The following FSTL4 variants were observed in gnomAD, a reference collection of about 807,000 sequenced individuals.
FSTL4 encodes the protein follistatin-related protein 4.
FSTL4 carries 28 observed loss-of-function variants against 78.2 expected under a neutral mutation model. The observed-to-expected ratio is 0.36, with a 90% CI of 0.27 to 0.49. The LOEUF (loss-of-function observed/expected upper bound fraction) is 0.49. FSTL4 is among the 20% of genes least tolerant of loss of function. The pLI, the probability that FSTL4 is intolerant of heterozygous loss-of-function variation, is 0.98. For synonymous variants in FSTL4, 422 were observed against 440.5 expected (o/e 0.96, Z 0.53); for missense variants, 922 against 1,084.9 (o/e 0.85, Z 2.11).
chr5:133,328,484 T>TC (rs1367114159), intron 4 of FSTL4, among the ~76,000 whole-genome samples: 3 of 152,206 alleles, frequency 2.0e-5, no homozygotes, highest in Non-Finnish European at 4.4e-5. Flanking sequence ...GGCAGATCTG[T>TC]CAGGTGGCCC....
intron 2 of FSTL4, among the ~76,000 whole-genome samples, chr5:133,589,684 T>A (rs1376169831): frequency 6.6e-6 from 1 of 152,090 alleles, no homozygotes; most frequent in Non-Finnish European, 1.5e-5. Flanking sequence ...TCTGCTGCCC[T>A]CCAGGAGGAG....
intron 7 of FSTL4, among the ~76,000 whole-genome samples, chr5:133,237,899 C>G (rs1049889503): frequency 1.5e-4 from 23 of 149,906 alleles, no homozygotes; most frequent in African/African-American, 5.2e-4. Flanking sequence ...TTAGCAAAAT[C>G]AAGGTTCCTT....
At chr5:133,750,646 G>T in the FSTL4 span, among the ~76,000 whole-genome samples, 1 of 152,116 alleles carries the variant, frequency 6.6e-6, no homozygotes, top group Admixed American at 6.5e-5. Context: ...ACCTCCAGGG[G>T]CCCAAAGGAG....
At chr5:133,741,512 G>A in the FSTL4 span, among the ~76,000 whole-genome samples, 53 of 152,326 alleles carry the variant, frequency 3.5e-4, no homozygotes, top group East Asian at 1.2e-3. Flanking sequence ...CTAGAGAACC[G>A]CAGCCTGTGA....
At chr5:133,600,040 T>G (rs1372219461) in intron 2 of FSTL4, among the ~76,000 whole-genome samples, 1 of 152,236 alleles carries the variant, frequency 6.6e-6, no homozygotes, top group Non-Finnish European at 1.5e-5. Context: ...TTGACCAGTG[T>G]ACAGACAGTC....
intron 3 of FSTL4, among the ~76,000 whole-genome samples, chr5:133,435,708 C>T (rs184592950): frequency 2.0e-4 from 31 of 152,330 alleles, no homozygotes; most frequent in Admixed American, 1.6e-3. Flanking sequence ...TCTCACACTA[C>T]GATTGTGCTC....
chr5:133,515,074 C>T (rs912969353), intron 3 of FSTL4, among the ~76,000 whole-genome samples: 8 of 152,014 alleles, frequency 5.3e-5, no homozygotes, highest in Non-Finnish European at 1.2e-4. Context: ...GAAGAATCCC[C>T]GATAAGCCAT....
At chr5:133,522,917 G>A (rs1440572707) in intron 3 of FSTL4, among the ~76,000 whole-genome samples, 4 of 152,194 alleles carry the variant, frequency 2.6e-5, no homozygotes, top group African/African-American at 9.7e-5. Context: ...AATCAGTTGG[G>A]TATAATTAAG....
At position 133,321,271 on chromosome 5, in the gene FSTL4, T is replaced by A. The variant is rs564729852; in HGVS notation, c.410-4619A>T. ...TTCACCCAAATCTCCACCTGGTGTA[T>A]TCATCTTGGCCTCTGCTTAAACATC... On this transcript the variant is annotated intron_variant, in intron 4 of 15. Transcript: ENST00000265342. Among the ~76,000 whole-genome samples, 307 of 152,288 alleles carry A rather than the reference T, an allele frequency of 2.0e-3. 1 individual carries two copies. The highest frequency in any genetic ancestry group is 4.0e-3 in the Non-Finnish European group (269 of 68,014).
At chr5:133,449,736 T>G (rs1757345165) in intron 3 of FSTL4, among the ~76,000 whole-genome samples, 1 of 152,190 alleles carries the variant, frequency 6.6e-6, no homozygotes, top group Non-Finnish European at 1.5e-5. Flanking sequence ...GGGTGTTCCC[T>G]GTTGGGTGCG....
the FSTL4 span, among the ~76,000 whole-genome samples, chr5:133,744,670 C>A: frequency 6.6e-6 from 1 of 152,176 alleles, no homozygotes; most frequent in African/African-American, 2.4e-5. Context: ...CAGCTTTACA[C>A]ATTTTCCTCC....
At chr5:133,811,656 C>A in the FSTL4 span, among the ~76,000 whole-genome samples, 1 of 152,204 alleles carries the variant, frequency 6.6e-6, no homozygotes, top group African/African-American at 2.4e-5. Flanking sequence ...TACTTTTAAT[C>A]AAGTTTACCT....
chr5:133,331,666 C>T lies in FSTL4; in HGVS notation c.410-15014G>A, dbSNP rs184212655. ...CAAACAGAGGGTTTTAGACCTGAGACGGCTCAGAGAAATTTCCTGAGGTTT... is the reference window on the plus strand; with the variant it reads ...CAAACAGAGGGTTTTAGACCTGAGATGGCTCAGAGAAATTTCCTGAGGTTT... On this transcript the variant is annotated intron_variant, in intron 4 of 15. Coordinates refer to ENST00000265342, the MANE Select transcript of FSTL4 (RefSeq NM_015082.2). Among the ~76,000 whole-genome samples, 577 of 152,270 alleles carry T rather than the reference C, an allele frequency of 3.8e-3. 3 individuals carry two copies. The highest frequency in any genetic ancestry group is 5.7e-3 in the Non-Finnish European group (389 of 68,022).
At chr5:133,265,847 T>C (rs181402745) in intron 6 of FSTL4, among the ~76,000 whole-genome samples, 95 of 152,310 alleles carry the variant, frequency 6.2e-4, no homozygotes, top group Non-Finnish European at 4.6e-4. Context: ...ACTGTGGTAC[T>C]GTGGACACTA....
the FSTL4 span, among the ~76,000 whole-genome samples, chr5:133,812,188 G>A: frequency 7.9e-5 from 12 of 152,180 alleles, no homozygotes; most frequent in South Asian, 2.1e-4. Context: ...CTTCCACTGC[G>A]TCATCCTTGT....
chr5:133,284,559 C>G, intron 6 of FSTL4, among the ~76,000 whole-genome samples: 1 of 152,308 alleles, frequency 6.6e-6, no homozygotes, highest in Non-Finnish European at 1.5e-5. Flanking sequence ...TCCTCTTCCT[C>G]TTCCCACTCA....
the FSTL4 span, among the ~76,000 whole-genome samples, chr5:133,735,004 G>A: frequency 4.6e-5 from 7 of 152,202 alleles, no homozygotes; most frequent in African/African-American, 7.2e-5. Flanking sequence ...GGGACTGTGC[G>A]AGGAGGCTCC....
chr5:133,472,566 T>C (rs1261269819), intron 3 of FSTL4, among the ~76,000 whole-genome samples: 1 of 152,240 alleles, frequency 6.6e-6, no homozygotes. Context: ...GGAGAATTTA[T>C]TTCAGCCTGA....
chr5:133,290,777 A>T (rs1234719254), intron 6 of FSTL4, among the ~76,000 whole-genome samples: 1 of 152,234 alleles, frequency 6.6e-6, no homozygotes, highest in Non-Finnish European at 1.5e-5. Context: ...ACAGGCCGGC[A>T]GACAGGGGCC....
Sources: allele counts gnomAD v4.1 joint callset (sites outside exome capture counted in the v4.1 genomes callset), GRCh38; gene constraint gnomAD v4.1.1; transcripts MANE v1.5; gene names NCBI Gene and HGNC (gene_info 2026-07-23, HGNC 2026-07-21).